The following IGSF5 variants were observed in gnomAD, a reference collection of about 807,000 sequenced individuals.
IGSF5 encodes the protein immunoglobulin superfamily member 5.
A neutral mutation model predicts 39.4 loss-of-function variants in IGSF5; 41 were observed. The ratio of observed to expected loss-of-function variants is 1.04; its 90% CI spans 0.81 to 1.35. The LOEUF is 1.35. Among genes scored for constraint, IGSF5 ranks in the 40% most tolerant of loss-of-function variants. The pLI is 0.00. For missense variants in IGSF5, 487 were observed against 494.6 expected, an observed-to-expected ratio of 0.98 and a Z score of 0.15; for synonymous variants, 183 against 175.3, an observed-to-expected ratio of 1.04 and a Z score of -0.34.
At chr21:39,727,999 A>C in the IGSF5 span, 1 of 152,300 alleles carries the variant, frequency 6.6e-6, no homozygotes, top group South Asian at 2.1e-4. Flanking sequence ...GCTGGTAAGT[A>C]AAGGCTCATA....
At chr21:39,756,302 C>T (rs1476596615) in intron 2 of IGSF5, among the ~76,000 whole-genome samples, 5 of 152,208 alleles carry the variant, frequency 3.3e-5, no homozygotes, top group Admixed American at 6.5e-5. Context: ...CTGTCTTTCA[C>T]GCTGACACTG....
chr21:39,759,973 C>G (rs1232519268), intron 2 of IGSF5, among the ~76,000 whole-genome samples: 7 of 151,704 alleles, frequency 4.6e-5, no homozygotes, highest in Non-Finnish European at 1.0e-4. Context: ...TATATATGGG[C>G]TAATTCTAGA....
intron 4 of IGSF5, among the ~76,000 whole-genome samples, chr21:39,772,808 C>T (rs1420525306): frequency 6.6e-6 from 1 of 152,106 alleles, no homozygotes; most frequent in African/African-American, 2.4e-5. Context: ...AATGTGGTCA[C>T]AGGATGACAA....
the IGSF5 span, among the ~76,000 whole-genome samples, chr21:39,739,131 T>C: frequency 6.6e-6 from 1 of 152,056 alleles, no homozygotes; most frequent in Non-Finnish European, 1.5e-5. Context: ...GGTTTTGCCA[T>C]ATTGGTCAGG....
chr21:39,748,585 A>G (rs2079987921), intron 2 of IGSF5, among the ~76,000 whole-genome samples: 1 of 152,042 alleles, frequency 6.6e-6, no homozygotes, highest in Non-Finnish European at 1.5e-5. Flanking sequence ...ACGAGATCTT[A>G]TAAGGACCTG....
At chr21:39,725,235 G>A in the IGSF5 span, among the ~76,000 whole-genome samples, 9 of 152,236 alleles carry the variant, frequency 5.9e-5, no homozygotes, top group Non-Finnish European at 1.3e-4. Flanking sequence ...GTTTGTAGGA[G>A]TGCCAAGATG....
At chr21:39,750,640 G>T (rs796905433) in intron 2 of IGSF5, among the ~76,000 whole-genome samples, 11 of 152,174 alleles carry the variant, frequency 7.2e-5, no homozygotes, top group African/African-American at 2.7e-4. Flanking sequence ...GAGGGTGGGG[G>T]GTTGGAGCTC....
intron 6 of IGSF5, among the ~76,000 whole-genome samples, chr21:39,789,451 C>A (rs1286239006): frequency 6.6e-6 from 1 of 152,100 alleles, no homozygotes; most frequent in Non-Finnish European, 1.5e-5. Flanking sequence ...TCCGTGCAGC[C>A]CTTGAACTTA....
At chr21:39,713,007 G>A in the IGSF5 span, among the ~76,000 whole-genome samples, 9 of 152,236 alleles carry the variant, frequency 5.9e-5, no homozygotes, top group Admixed American at 3.9e-4. Context: ...TCTTTCAGGG[G>A]CACCCTGAAT....
upstream of IGSF5, among the ~76,000 whole-genome samples, chr21:39,744,738 C>T (rs418566): frequency 0.81 from 123,998 of 152,234 alleles, 50,706 homozygotes; most frequent in Admixed American, 0.86. Flanking sequence ...TAAGCTACCT[C>T]TTTGCTTTTT....
the IGSF5 span, among the ~76,000 whole-genome samples, chr21:39,725,155 C>CCCCA: frequency 6.6e-6 from 1 of 152,242 alleles, no homozygotes; most frequent in African/African-American, 2.4e-5. Context: ...GATTCCCTTG[C>CCCCA]CCCATGGCTC....
intron 2 of IGSF5, among the ~76,000 whole-genome samples, chr21:39,749,891 A>G (rs544011164): frequency 6.6e-6 from 1 of 152,234 alleles, no homozygotes; most frequent in Non-Finnish European, 1.5e-5. Context: ...CATTTGTCTC[A>G]GGTAAGCAGA....
chr21:39,772,135 A>T (rs2146283400), intron 4 of IGSF5, among the ~76,000 whole-genome samples: 1 of 152,374 alleles, frequency 6.6e-6, no homozygotes, highest in Admixed American at 6.5e-5. Context: ...GTTATCAGGC[A>T]CTATTCTGAG....
At chr21:39,723,189 C>T in the IGSF5 span, among the ~76,000 whole-genome samples, 2 of 152,158 alleles carry the variant, frequency 1.3e-5, no homozygotes, top group African/African-American at 4.8e-5. Flanking sequence ...TCTGAAGGCT[C>T]CACTGGGGAA....
chr21:39,723,763 C>A, the IGSF5 span, among the ~76,000 whole-genome samples: 1 of 152,186 alleles, frequency 6.6e-6, no homozygotes, highest in Non-Finnish European at 1.5e-5. Context: ...GTTCACACAT[C>A]TTCTTTGTAA....
chr21:39,751,494 A>G (rs1358768385), intron 2 of IGSF5: 1 of 152,076 alleles, frequency 6.6e-6, no homozygotes, highest in Non-Finnish European at 1.5e-5. Context: ...AGAGTTAAAA[A>G]CTACAAGCGT....
At chr21:39,795,136 AGGCC>A (rs1446246127) in intron 8 of IGSF5, among the ~76,000 whole-genome samples, 4 of 152,308 alleles carry the variant, frequency 2.6e-5, no homozygotes, top group African/African-American at 9.6e-5. Flanking sequence ...GACTTTCCTC[AGGCC>A]GGGTGTCAGG....
chr21:39,715,306 A>G, the IGSF5 span, among the ~76,000 whole-genome samples: 1 of 151,956 alleles, frequency 6.6e-6, no homozygotes, highest in Non-Finnish European at 1.5e-5. Context: ...TTTAGTAGAG[A>G]TGGGGTTTCA....
the IGSF5 span, among the ~76,000 whole-genome samples, chr21:39,739,281 A>G: frequency 6.6e-6 from 1 of 151,196 alleles, no homozygotes; most frequent in Admixed American, 6.6e-5. Flanking sequence ...GAAAGATTTA[A>G]TAGAGTGAAA....
Sources: gnomAD v4.1 joint callset for allele counts (sites outside exome capture counted in the v4.1 genomes callset) on GRCh38, gnomAD v4.1.1 for gene constraint, MANE v1.5 for transcripts, NCBI Gene and HGNC (gene_info 2026-07-23, HGNC 2026-07-21) for gene names.